Variants in CBLN2 observed in about 807,000 individuals in gnomAD.
CBLN2 encodes the protein cerebellin-2.
In CBLN2, 7 loss-of-function variants were observed where a neutral mutation model predicts 15.0. That is an observed-to-expected ratio of 0.47 (90% CI 0.27 to 0.88). The LOEUF (loss-of-function observed/expected upper bound fraction) is 0.88, where lower values mean the gene tolerates loss of function less well. Among genes scored for constraint, CBLN2 ranks in the 40% least tolerant of loss-of-function variants. CBLN2 has a pLI of 0.14. For synonymous variants in CBLN2, 149 were observed against 135.2 expected, an observed-to-expected ratio of 1.10 and a Z score of -0.71; for missense variants, 242 against 304.5, an observed-to-expected ratio of 0.79 and a Z score of 1.53.
chr18:72,597,136 C>A (rs565931768), intron 1 of CBLN2, among the ~76,000 whole-genome samples: 17 of 152,182 alleles, frequency 1.1e-4, no homozygotes, highest in Non-Finnish European at 2.2e-4. Flanking sequence ...TTATTGTAGT[C>A]TTTGCAACCT....
intron 1 of CBLN2, among the ~76,000 whole-genome samples, chr18:72,570,802 C>T (rs1201376537): frequency 6.6e-6 from 1 of 152,090 alleles, no homozygotes; most frequent in Non-Finnish European, 1.5e-5. Flanking sequence ...AGAGTGTGCC[C>T]TTGTTCAACC....
intron 1 of CBLN2, among the ~76,000 whole-genome samples, chr18:72,555,086 G>C: frequency 6.6e-6 from 1 of 151,438 alleles, no homozygotes; most frequent in East Asian, 1.9e-4. Context: ...AGTGAGCCGA[G>C]ATCATGCCAC....
chr18:72,588,553 A>T (rs987913291), intron 1 of CBLN2, among the ~76,000 whole-genome samples: 1 of 152,180 alleles, frequency 6.6e-6, no homozygotes, highest in Non-Finnish European at 1.5e-5. Flanking sequence ...CTGAAGAGAC[A>T]TCATTTCTGA....
chr18:72,566,285 C>T (rs2069294519), intron 1 of CBLN2, among the ~76,000 whole-genome samples: 1 of 152,174 alleles, frequency 6.6e-6, no homozygotes, highest in African/African-American at 2.4e-5. Flanking sequence ...AAAAATAGAA[C>T]TACCATGTGA....
intron 1 of CBLN2, among the ~76,000 whole-genome samples, chr18:72,605,057 A>G (rs2069574414): frequency 6.6e-6 from 1 of 152,178 alleles, no homozygotes; most frequent in Non-Finnish European, 1.5e-5. Flanking sequence ...TTTTGTATCT[A>G]ATTTGGTTCT....
intron 1 of CBLN2, among the ~76,000 whole-genome samples, chr18:72,587,181 G>T (rs1303251680): frequency 2.0e-5 from 3 of 151,894 alleles, no homozygotes; most frequent in Non-Finnish European, 2.9e-5. Context: ...CCTGAAATCG[G>T]TTTGGCATGA....
rs1362773584 is a variant in CBLN2, at chr18:72,541,965, C to T, written c.196G>A (p.Val66Met). The change falls in exon 3 of 5, where the codon GTG becomes ATG. Residue 66 changes from valine to methionine, a missense_variant. Val to Met is a conservative substitution (Grantham distance 21). This residue lies in a region of CBLN2 where 89 missense variants were observed against 114.2 expected (regional missense o/e 0.78). Coordinates refer to ENST00000269503, the MANE Select transcript of CBLN2 (RefSeq NM_182511.4). The stretch of plus-strand genomic sequence containing the variant: ...GCCGACGGGCTGGAGTCGCACACCA[C>T]CAGGCACTTGCCCTCCAGCACGATG... ...EPIVLEGKCL[V>M]VCDSSPSADG... 6.2e-7 allele frequency: 1 copy of T among 1,607,136 alleles called. No homozygotes were observed. The highest frequency in any genetic ancestry group is 8.5e-7 in the Non-Finnish European group (1 of 1,179,530).
chr18:72,560,407 C>T (rs1053165258), intron 1 of CBLN2, among the ~76,000 whole-genome samples: 3 of 152,198 alleles, frequency 2.0e-5, no homozygotes, highest in African/African-American at 7.2e-5. Flanking sequence ...TGGAGAATTT[C>T]CAAAGCCTTC....
At position 72,607,339 on chromosome 18, in the gene CBLN2, T is replaced by C. The variant is rs1035001426; in HGVS notation, c.15+30986A>G. Among the ~76,000 whole-genome samples the C allele has an allele frequency of 6.6e-5, 10 of 152,304 alleles. No individual in the cohort carries two copies. The South Asian group carries it at 1.0e-3, about 16-fold the overall frequency. ...ACAAATCCCTTGAGGACCTCCTAGGTTAGCACCTGGGAAGGCATATCCGCC... is the reference window on the plus strand; with the variant it reads ...ACAAATCCCTTGAGGACCTCCTAGGCTAGCACCTGGGAAGGCATATCCGCC... On this transcript the variant is annotated intron_variant, in intron 1 of 2. Coordinates refer to the CBLN2 transcript ENST00000581073.
intron 1 of CBLN2, among the ~76,000 whole-genome samples, chr18:72,599,003 T>C (rs2069530740): frequency 6.6e-6 from 1 of 152,216 alleles, no homozygotes; most frequent in African/African-American, 2.4e-5. Flanking sequence ...AACGTAATGT[T>C]AAAACCAGGT....
At chr18:72,606,148 T>G (rs1246281408) in intron 1 of CBLN2, among the ~76,000 whole-genome samples, 1 of 152,240 alleles carries the variant, frequency 6.6e-6, no homozygotes, top group Non-Finnish European at 1.5e-5. Context: ...TCAGAGAGAA[T>G]AGATATGTTG....
intron 1 of CBLN2, among the ~76,000 whole-genome samples, chr18:72,566,785 G>C (rs2069298094): frequency 6.6e-6 from 1 of 152,002 alleles, no homozygotes; most frequent in African/African-American, 2.4e-5. Context: ...CTGAAAGAGA[G>C]GAATTTGAAC....
chr18:72,638,177 T>A (rs2069826326), intron 1 of CBLN2: 1 of 395,682 alleles, frequency 2.5e-6, no homozygotes, highest in Admixed American at 4.4e-5. Context: ...TACTTATTAC[T>A]AAGAAAGCAG....
chr18:72,591,783 G>A (rs1411934373), intron 1 of CBLN2, among the ~76,000 whole-genome samples: 2 of 151,992 alleles, frequency 1.3e-5, no homozygotes, highest in African/African-American at 2.4e-5. Context: ...TTCACTTAAC[G>A]TAATCTTCTC....
chr18:72,565,094 A>C (rs767802876), intron 1 of CBLN2, among the ~76,000 whole-genome samples: 3 of 152,224 alleles, frequency 2.0e-5, no homozygotes, highest in Non-Finnish European at 4.4e-5. Flanking sequence ...CAAAAGCTGA[A>C]GGAATTCATC....
chr18:72,632,253 G>C (rs955603652), intron 1 of CBLN2, among the ~76,000 whole-genome samples: 27 of 152,056 alleles, frequency 1.8e-4, no homozygotes, highest in African/African-American at 6.5e-4. Context: ...TTATAAAGGA[G>C]AGATTCAAAA....
chr18:72,606,301 C>T (rs116393835), intron 1 of CBLN2, among the ~76,000 whole-genome samples: 1,530 of 152,272 alleles, frequency 0.01, 25 homozygotes, highest in African/African-American at 0.034. Context: ...TACTACTATA[C>T]ATTTTCTTTT....
intron 1 of CBLN2, among the ~76,000 whole-genome samples, chr18:72,615,015 G>A (rs1051924740): frequency 1.7e-4 from 23 of 138,698 alleles, no homozygotes; most frequent in African/African-American, 6.2e-4. Flanking sequence ...TTGTCACTTA[G>A]CAACTTAAGG....
rs1223249936 is a variant in CBLN2, at chr18:72,584,312, C to CT, written c.16-45541dup. Among the ~76,000 whole-genome samples the CT allele has an allele frequency of 4.0e-3, 585 of 144,956 alleles. 3 individuals carry two copies. The highest frequency in any genetic ancestry group is 0.012 in the African/African-American group (470 of 39,706). ...TCTTCAGAAAAAAAAATTACCAATC[C>CT]TTTTTTTTTTTTTCCCCTGAGACGA... On this transcript the variant is annotated intron_variant, in intron 1 of 2. Coordinates refer to the CBLN2 transcript ENST00000581073.
Sources: allele counts gnomAD v4.1 joint callset (sites outside exome capture counted in the v4.1 genomes callset), GRCh38; gene constraint gnomAD v4.1.1; regional missense constraint gnomAD v4.1.1; transcripts MANE v1.5; gene names NCBI Gene and HGNC (gene_info 2026-07-23, HGNC 2026-07-21).